Variants in AXDND1 observed in about 807,000 individuals in gnomAD.
AXDND1 encodes the protein axonemal dynein light chain domain-containing protein 1.
A neutral mutation model predicts 137.5 loss-of-function variants in AXDND1; 110 were observed. That is an observed-to-expected ratio of 0.80 (90% CI 0.69 to 0.94). AXDND1 has a LOEUF of 0.94. Among genes scored for constraint, AXDND1 ranks in the 40% least tolerant of loss-of-function variants. AXDND1 has a pLI of 0.00. For synonymous variants in AXDND1, 414 were observed against 399.7 expected (o/e 1.04, Z -0.43); for missense variants, 1,191 against 1,169.8 (o/e 1.02, Z -0.26).
intron 21 of AXDND1, among the ~76,000 whole-genome samples, chr1:179,515,053 C>T (rs1194067658): frequency 6.6e-6 from 1 of 152,212 alleles, no homozygotes; most frequent in African/African-American, 2.4e-5. Context: ...AAGCCATTTA[C>T]ATTCAATGTT....
chr1:179,414,194 TA>T (rs1343020013), intron 12 of AXDND1, among the ~76,000 whole-genome samples: 2 of 125,016 alleles, frequency 1.6e-5, no homozygotes, highest in African/African-American at 5.6e-5. Flanking sequence ...ACAAGATAAA[TA>T]CAAAAAAAAA....
At chr1:179,535,685 C>T (rs566405222) in intron 25 of AXDND1, among the ~76,000 whole-genome samples, 10 of 152,132 alleles carry the variant, frequency 6.6e-5, no homozygotes, top group Non-Finnish European at 7.3e-5. Flanking sequence ...AATAAACATA[C>T]GTGTACATGT....
At chr1:179,368,588 GATGTA>G (rs1488117865) in intron 2 of AXDND1, among the ~76,000 whole-genome samples, 1 of 152,152 alleles carries the variant, frequency 6.6e-6, no homozygotes, top group Non-Finnish European at 1.5e-5. Context: ...AACTGTGTCT[GATGTA>G]ATGTGAGTAG....
At chr1:179,386,263 T>A (rs1649205593) in intron 9 of AXDND1, among the ~76,000 whole-genome samples, 1 of 152,080 alleles carries the variant, frequency 6.6e-6, no homozygotes, top group Non-Finnish European at 1.5e-5. Flanking sequence ...TTGGTCAGGC[T>A]GGTCTCGAAC....
chr1:179,468,610 G>T lies in AXDND1; in HGVS notation c.1966G>T (p.Val656Phe). Residue 656 changes from valine to phenylalanine, a missense_variant, in exon 17 of 26, where the codon GTT (valine) becomes TTT (phenylalanine). Transcript: ENST00000367618. ...LDILLNLTGIVPQHIDVDSVS... is the reference protein window; with the variant it reads ...LDILLNLTGIFPQHIDVDSVS... ...TATATTGTTAAACCTTACTGGTATTGTTCCACAGCACATAGATGTGGATTC... is the reference window on the plus strand; with the variant it reads ...TATATTGTTAAACCTTACTGGTATTTTTCCACAGCACATAGATGTGGATTC... The T allele has an allele frequency of 1.2e-6, 2 of 1,611,488 alleles. 1 individual carries two copies. Among genetic ancestry groups the T allele is most frequent in the South Asian group, 2.2e-5 (2 of 90,632 alleles).
intron 12 of AXDND1, among the ~76,000 whole-genome samples, chr1:179,425,179 A>G (rs1373040074): frequency 6.6e-6 from 1 of 152,098 alleles, no homozygotes; most frequent in Non-Finnish European, 1.5e-5. Flanking sequence ...TTGATTGGCT[A>G]TTTTTGCTTA....
At chr1:179,431,711 C>T (rs1571808232) in intron 14 of AXDND1, among the ~76,000 whole-genome samples, 2 of 152,078 alleles carry the variant, frequency 1.3e-5, no homozygotes, top group Non-Finnish European at 2.9e-5. Flanking sequence ...TGGTATGTCT[C>T]CAAGCTGGCT....
Position 179,378,735 on chromosome 1 carries a change from A to T in AXDND1, c.473A>T (p.Asp158Val). 1.9e-6 allele frequency: 3 copies of T among 1,580,006 alleles called. No homozygotes were observed. The highest frequency in any genetic ancestry group is 1.7e-6 in the Non-Finnish European group (2 of 1,161,030). ...TTGGCCCGTTCATTACAGTCACATG[A>T]TGGTGTCATTGTGCCCCATAAGGTA... ...PHLARSLQSH[D>V]GVIVPHKPKT... Residue 158 changes from aspartate to valine, a missense_variant, in exon 5 of 26, where the codon GAT (aspartate) becomes GTT (valine). Coordinates refer to ENST00000367618, the MANE Select transcript of AXDND1 (RefSeq NM_144696.6).
chr1:179,538,196 G>T (rs955944333), intron 25 of AXDND1, among the ~76,000 whole-genome samples: 4 of 152,032 alleles, frequency 2.6e-5, no homozygotes, highest in African/African-American at 9.7e-5. Flanking sequence ...GTCTCCTTCA[G>T]TTCTGCTCTG....
At chr1:179,404,905 CT>C (rs901799876) in intron 11 of AXDND1, among the ~76,000 whole-genome samples, 89 of 145,740 alleles carry the variant, frequency 6.1e-4, no homozygotes, top group Middle Eastern at 3.5e-3. Context: ...TGTTGGGAGA[CT>C]TTTTTTTTTT....
chr1:179,533,643 TTGGTA>T, intron 23 of AXDND1, 147 bp from the exon 24 acceptor site: 1 of 322,730 alleles, frequency 3.1e-6, no homozygotes, highest in Non-Finnish European at 5.5e-6. Flanking sequence ...TTTTTTTTTT[TTGGTA>T]TTAAGGGTGT....
intron 18 of AXDND1, among the ~76,000 whole-genome samples, chr1:179,488,633 TCC>T (rs1491326730): frequency 5.6e-5 from 3 of 54,024 alleles, no homozygotes; most frequent in Admixed American, 2.1e-4. Context: ...TCTCTCTCTC[TCC>T]TTTCTTTCTT....
intron 11 of AXDND1, among the ~76,000 whole-genome samples, chr1:179,399,371 C>T (rs1426452865): frequency 6.6e-6 from 1 of 152,144 alleles, no homozygotes; most frequent in Non-Finnish European, 1.5e-5. Context: ...AATTGGCTAA[C>T]CGCATGTAGG....
intron 21 of AXDND1, among the ~76,000 whole-genome samples, chr1:179,524,222 G>A (rs2125682839): frequency 6.6e-6 from 1 of 152,242 alleles, no homozygotes; most frequent in South Asian, 2.1e-4. Flanking sequence ...TGGGATTGCT[G>A]GATCAAATGG....
chr1:179,407,281 G>A (rs200170952), intron 11 of AXDND1, among the ~76,000 whole-genome samples: 1 of 151,080 alleles, frequency 6.6e-6, no homozygotes, highest in African/African-American at 2.4e-5. Context: ...AGAATGGAGT[G>A]TAGTGGTGTG....
At chr1:179,519,235 G>GT (rs1669833105) in intron 21 of AXDND1, among the ~76,000 whole-genome samples, 1 of 152,050 alleles carries the variant, frequency 6.6e-6, no homozygotes, top group East Asian at 1.9e-4. Context: ...TTATGGGGTT[G>GT]TTTTTTGCTT....
At position 179,395,171 on chromosome 1, in the gene AXDND1, C is replaced by T. The variant is rs775635290; in HGVS notation, c.1078C>T (p.Gln360Ter). 1 of 1,613,430 alleles carries T rather than the reference C, an allele frequency of 6.2e-7. No homozygotes were observed. Among genetic ancestry groups the T allele is most frequent in the South Asian group, 1.1e-5 (1 of 90,940 alleles). Residue 360 changes from glutamine to a stop codon, truncating the protein, a stop_gained, in exon 11 of 26, where the codon CAA becomes TAA. Coordinates refer to ENST00000367618, the MANE Select transcript of AXDND1 (RefSeq NM_144696.6). LOFTEE classifies it high-confidence loss of function. ...AGAAAAAGCCCACAAGGATTTGGCACAAGCTCTTTTAAATGCGGAAAAGAA... is the reference window on the plus strand; with the variant it reads ...AGAAAAAGCCCACAAGGATTTGGCATAAGCTCTTTTAAATGCGGAAAAGAA... Reference protein sequence around the residue: ...ETEKAHKDLAQALLNAEKNAK... With the variant: ...ETEKAHKDLA
In AXDND1 at chr1:179,525,461, G is replaced by T; in HGVS notation, c.2610+14G>T. 1 of 1,587,676 alleles carries T rather than the reference G, an allele frequency of 6.3e-7. No homozygotes were observed. Among genetic ancestry groups the T allele is most frequent in the Non-Finnish European group, 8.6e-7 (1 of 1,167,302 alleles). On this transcript the variant is annotated intron_variant, in intron 22 of 25. Transcript: ENST00000367618. The stretch of plus-strand genomic sequence containing the variant: ...AGAGCAGAAGAAGTAAGATTATTTG[G>T]TATTTGTTTTTCCTCCTACATACAT...
chr1:179,414,946 GA>G (rs1401055776), intron 12 of AXDND1, among the ~76,000 whole-genome samples: 1 of 136,028 alleles, frequency 7.4e-6, no homozygotes, highest in African/African-American at 2.7e-5. Flanking sequence ...GGTTAGAATA[GA>G]TAAATACAAC....
Sources: gnomAD v4.1 joint callset for allele counts (sites outside exome capture counted in the v4.1 genomes callset) on GRCh38, gnomAD v4.1.1 for gene constraint, MANE v1.5 for transcripts, NCBI Gene and HGNC (gene_info 2026-07-23, HGNC 2026-07-21) for gene names.